Variants in ATP13A4 observed in about 807,000 individuals in gnomAD.
ATP13A4 encodes the protein probable cation-transporting ATPase 13A4.
In ATP13A4, 114 loss-of-function variants were observed where a neutral mutation model predicts 142.5. The observed-to-expected ratio is 0.80, with a 90% confidence interval of 0.69 to 0.93. The LOEUF (loss-of-function observed/expected upper bound fraction) is 0.93. ATP13A4 is among the 40% of genes least tolerant of loss of function. ATP13A4 has a pLI of 0.00. For missense variants in ATP13A4, 1,392 were observed against 1,454.0 expected (o/e 0.96, Z 0.69); for synonymous variants, 488 against 514.8 (o/e 0.95, Z 0.70).
chr3:193,562,913 T>C (rs1025649069), intron 2 of ATP13A4, among the ~76,000 whole-genome samples: 53 of 152,128 alleles, frequency 3.5e-4, no homozygotes, highest in Non-Finnish European at 4.4e-5. Context: ...AGTGGTTGTA[T>C]TATGGCTCTA....
intron 1 of ATP13A4, among the ~76,000 whole-genome samples, chr3:193,589,319 T>C (rs1427685071): frequency 6.6e-6 from 1 of 152,132 alleles, no homozygotes; most frequent in Non-Finnish European, 1.5e-5. Flanking sequence ...GAGAGTTTGA[T>C]AATGATGATG....
At position 193,513,917 on chromosome 3, in the gene ATP13A4, G is replaced by A. The variant is rs528183985; in HGVS notation, c.234+781C>T. Among the ~76,000 whole-genome samples the A allele has an allele frequency of 3.9e-5, 6 of 152,336 alleles. No homozygotes were observed. The South Asian group carries it at 1.0e-3, about 26-fold the overall frequency. ...TGTCAGGAATCGAGAGGAACGGTCA[G>A]TGTGAACTTAGTAGCCTATAGCCTG... On this transcript the variant is annotated intron_variant, in intron 2 of 29. Coordinates refer to ENST00000342695, the MANE Select transcript of ATP13A4 (RefSeq NM_032279.4).
In ATP13A4 at chr3:193,446,635, A is replaced by G. The variant is rs147222799; in HGVS notation, c.2152+1571T>C. 9.9e-3 allele frequency among the ~76,000 whole-genome samples: 1,513 copies of G among 152,328 alleles called. 27 individuals carry two copies. Among genetic ancestry groups the G allele is most frequent in the African/African-American group, 0.035 (1,452 of 41,574 alleles). On this transcript the variant is annotated intron_variant, in intron 18 of 29. Transcript: ENST00000342695. ...TTTCATAATCTGTTTTATCATATGT[A>G]TAACATTCAAAGTGACAGATATTAT...
At chr3:193,525,370 C>T (rs1721944893) in intron 1 of ATP13A4, among the ~76,000 whole-genome samples, 1 of 152,212 alleles carries the variant, frequency 6.6e-6, no homozygotes, top group Admixed American at 6.5e-5. Context: ...CAAAATCACA[C>T]TTCCACTCTT....
At chr3:193,449,793 C>A (rs975915795) in intron 17 of ATP13A4, among the ~76,000 whole-genome samples, 1 of 152,144 alleles carries the variant, frequency 6.6e-6, no homozygotes, top group African/African-American at 2.4e-5. Context: ...GAGCCTTATA[C>A]CACGTCCCCC....
chr3:193,559,016 A>G (rs1472009505), upstream of ATP13A4, among the ~76,000 whole-genome samples: 1 of 152,232 alleles, frequency 6.6e-6, no homozygotes, highest in African/African-American at 2.4e-5. Flanking sequence ...TAGATGTCCA[A>G]TGGAAATAAT....
At chr3:193,413,941 T>A (rs1475908955) in intron 26 of ATP13A4, among the ~76,000 whole-genome samples, 1 of 152,192 alleles carries the variant, frequency 6.6e-6, no homozygotes, top group Non-Finnish European at 1.5e-5. Flanking sequence ...TCCCTGTTCA[T>A]ACACCCCCTC....
intron 6 of ATP13A4, among the ~76,000 whole-genome samples, chr3:193,490,512 G>A (rs1226141706): frequency 6.6e-6 from 1 of 152,204 alleles, no homozygotes; most frequent in Non-Finnish European, 1.5e-5. Flanking sequence ...CTGTAATAGA[G>A]CATCTAGAAC....
chr3:193,510,766 T>C (rs1721102126), intron 2 of ATP13A4, among the ~76,000 whole-genome samples: 2 of 152,122 alleles, frequency 1.3e-5, no homozygotes, highest in Admixed American at 6.5e-5. Flanking sequence ...TCAGTATCTG[T>C]GATAATGATC....
At chr3:193,581,026 T>G (rs1412111461) in intron 2 of ATP13A4, among the ~76,000 whole-genome samples, 1 of 152,232 alleles carries the variant, frequency 6.6e-6, no homozygotes, top group Non-Finnish European at 1.5e-5. Flanking sequence ...ATCCTATCTA[T>G]TTCAACAAAG....
chr3:193,448,239 T>C lies in ATP13A4; in HGVS notation c.2119A>G (p.Ile707Val), dbSNP rs139578706. The change falls in exon 18 of 30, where the codon ATC becomes GTC. Residue 707 changes from isoleucine to valine, a missense_variant. Physicochemically the swap from Ile to Val is conservative, Grantham distance 29 (BLOSUM62 3). Transcript: ENST00000342695. ...EETKPVLEEL[I>V]SARIRTVMIT... ...ATTACAGTCCTTATCCGGGCTGAGA[T>C]GAGCTCTTCCAAGACAGGTTTTGTC... 4,413 of 1,613,940 alleles carry C rather than the reference T, an allele frequency of 2.7e-3. 65 individuals are homozygous for C. In the South Asian group the frequency reaches 0.029, roughly 11 times the overall value.
At chr3:193,425,041 C>T (rs1419182495) in intron 25 of ATP13A4, among the ~76,000 whole-genome samples, 1 of 143,478 alleles carries the variant, frequency 7.0e-6, no homozygotes, top group South Asian at 2.2e-4. Flanking sequence ...GGAAAAAATA[C>T]CTGACAAGAC....
chr3:193,412,371 A>T lies in ATP13A4; in HGVS notation c.3015T>A (p.Ser1005Arg), dbSNP rs750950703. 6.2e-7 allele frequency: 1 copy of T among 1,613,996 alleles called. No individual in the cohort carries two copies. The highest frequency in any genetic ancestry group is 8.5e-7 in the Non-Finnish European group (1 of 1,179,936). Reference sequence around the variant, plus strand: ...TGCTTTCATTTTGTACTGTGCAGGCACTAAAAGGGAAAACCAAAGAAGCTA... The same window carrying T: ...TGCTTTCATTTTGTACTGTGCAGGCTCTAAAAGGGAAAACCAAAGAAGCTA... The part of the protein sequence containing the change: ...RQPWYSVEIH[S>R]ACTVQNESIS... Residue 1005 changes from serine to arginine, a missense_variant and splice_region_variant, in exon 27 of 30, where the codon AGT becomes AGA. Ser to Arg is a moderately radical substitution (Grantham distance 110, BLOSUM62 -1). Coordinates refer to ENST00000342695, the MANE Select transcript of ATP13A4 (RefSeq NM_032279.4).
At chr3:193,437,041 T>C (rs1241144215) in intron 23 of ATP13A4, among the ~76,000 whole-genome samples, 1 of 138,450 alleles carries the variant, frequency 7.2e-6, no homozygotes, top group Non-Finnish European at 1.5e-5. Context: ...GAGGCGGAGC[T>C]TGCAGTGAGC....
chr3:193,420,547 A>G (rs1193024244), intron 25 of ATP13A4, among the ~76,000 whole-genome samples: 1 of 149,994 alleles, frequency 6.7e-6, no homozygotes, highest in Non-Finnish European at 1.5e-5. Flanking sequence ...GAATTTCCTG[A>G]AAAGGAATTT....
At chr3:193,520,528 C>T (rs1019095251) in intron 1 of ATP13A4, among the ~76,000 whole-genome samples, 3 of 152,078 alleles carry the variant, frequency 2.0e-5, no homozygotes, top group African/African-American at 7.2e-5. Flanking sequence ...CTGAGTTTTA[C>T]AAACTCTCTG....
At chr3:193,554,674 GTGTGT>G in intron 1 of ATP13A4, 61 bp downstream of exon 1, 1 of 1,440,422 alleles carries the variant, frequency 6.9e-7, no homozygotes. Context: ...GTGTGTGTGT[GTGTGT>G]GTGTGTGTCT....
intron 18 of ATP13A4, among the ~76,000 whole-genome samples, chr3:193,446,602 A>G (rs954731950): frequency 2.0e-5 from 3 of 151,650 alleles, no homozygotes; most frequent in Non-Finnish European, 4.4e-5. Context: ...TGCTATAAAT[A>G]TGATACTTTT....
At chr3:193,546,009 GTGTGTGTGTGTGTGTT>G (rs1026827212) in intron 1 of ATP13A4, among the ~76,000 whole-genome samples, 2 of 97,910 alleles carry the variant, frequency 2.0e-5, no homozygotes, top group African/African-American at 6.8e-5. Context: ...GTGTGTGTGT[GTGTGTGTGTGTGTGTT>G]TTGGCAAGGA....
Sources: allele counts gnomAD v4.1 joint callset (sites outside exome capture counted in the v4.1 genomes callset), GRCh38; gene constraint gnomAD v4.1.1; transcripts MANE v1.5; gene names NCBI Gene and HGNC (gene_info 2026-07-23, HGNC 2026-07-21).